VWA3A: variants seen among roughly 807,000 people sequenced by gnomAD.
VWA3A encodes von Willebrand factor A domain containing 3A.
Under a neutral mutation model 160.4 loss-of-function variants are expected in VWA3A, and 134 were observed. That is an observed-to-expected ratio of 0.84 (90% CI 0.73 to 0.96). VWA3A has a LOEUF of 0.96. Ranked by LOEUF, VWA3A falls within the 40% of genes least tolerant of loss-of-function variation. The pLI is 0.00. For synonymous variants in VWA3A, 476 were observed against 543.4 expected, an observed-to-expected ratio of 0.88 and a Z score of 1.72; for missense variants, 1,310 against 1,447.9, an observed-to-expected ratio of 0.90 and a Z score of 1.55.
intron 26 of VWA3A, among the ~76,000 whole-genome samples, chr16:22,145,898 C>A (rs1251733205): frequency 6.6e-6 from 1 of 152,046 alleles, no homozygotes; most frequent in Non-Finnish European, 1.5e-5. Context: ...CAGCTCACTG[C>A]AGCCTCTACC....
chr16:22,153,920 G>A (rs1291374988), intron 31 of VWA3A, among the ~76,000 whole-genome samples: 1 of 151,578 alleles, frequency 6.6e-6, no homozygotes, highest in Non-Finnish European at 1.5e-5. Flanking sequence ...TTAATTTTTT[G>A]TAGAAACAGG....
chr16:22,119,768 A>T (rs1275243715), intron 12 of VWA3A, among the ~76,000 whole-genome samples: 2 of 152,202 alleles, frequency 1.3e-5, no homozygotes, highest in Admixed American at 1.3e-4. Flanking sequence ...CTGTAATCCC[A>T]ACACTTTGTG....
chr16:22,140,026 C>T (rs2046114879), intron 22 of VWA3A, 128 bp from the exon 23 acceptor site: 3 of 838,964 alleles, frequency 3.6e-6, no homozygotes, highest in Non-Finnish European at 5.7e-6. Context: ...CCAAACCTGT[C>T]TGAGGAGTCC....
rs574165269 is a variant in VWA3A, at chr16:22,117,896, A to G, written c.990+720A>G. 2.6e-5 allele frequency among the ~76,000 whole-genome samples: 4 copies of G among 152,278 alleles called. No individual in the cohort carries two copies. The East Asian group carries it at 5.8e-4, about 22-fold the overall frequency. On this transcript the variant is annotated intron_variant, in intron 11 of 33. Transcript: ENST00000389398. ...ACTCTATCTTGATACCTCATCATCT[A>G]GACTCTCTCTGCAGGTGACTCAGAC...
chr16:22,146,932 A>G (rs2046263912), intron 27 of VWA3A, among the ~76,000 whole-genome samples: 1 of 152,192 alleles, frequency 6.6e-6, no homozygotes, highest in South Asian at 2.1e-4. Flanking sequence ...CAAGGGGCTC[A>G]CTGTCAAAAG....
At chr16:22,139,688 C>T (rs1221479410) in intron 22 of VWA3A, among the ~76,000 whole-genome samples, 2 of 151,932 alleles carry the variant, frequency 1.3e-5, no homozygotes, top group African/African-American at 4.8e-5. Flanking sequence ...GAGCCAGACT[C>T]CATCTCAAAA....
rs1275647403 is a variant in VWA3A, at chr16:22,103,522, G to T, written c.476G>T (p.Ser159Ile). The change falls in exon 6 of 34, where the codon AGC becomes ATC. Residue 159 changes from serine to isoleucine, a missense_variant. By Grantham distance (142) the Ser-to-Ile change is moderately radical. Coordinates refer to ENST00000389398, the MANE Select transcript of VWA3A (RefSeq NM_173615.5). Reference protein sequence around the residue: ...QERIQWLTENSKKAFGLIKGA... With the variant: ...QERIQWLTENIKKAFGLIKGA... ...AGAATTCAGTGGCTCACAGAAAACA[G>T]CAAGAAGGTAACGGGCATAGATTTC... is the stretch of plus-strand genomic sequence containing the variant. 3 of 1,551,842 alleles carry T rather than the reference G, an allele frequency of 1.9e-6. No individual in the cohort carries two copies. The highest frequency in any genetic ancestry group is 2.6e-6 in the Non-Finnish European group (3 of 1,146,994).
chr16:22,154,910 C>CGCCACTG (rs1167665495), intron 31 of VWA3A, among the ~76,000 whole-genome samples: 2 of 130,082 alleles, frequency 1.5e-5, no homozygotes, highest in Non-Finnish European at 3.2e-5. Context: ...GCCGAGATTG[C>CGCCACTG]GCCACTGCAG....
At chr16:22,098,185 A>T (rs1183048650) in intron 3 of VWA3A, among the ~76,000 whole-genome samples, 1 of 152,210 alleles carries the variant, frequency 6.6e-6, no homozygotes, top group African/African-American at 2.4e-5. Flanking sequence ...TCTACCAGGG[A>T]CACAGTGGCA....
chr16:22,107,985 T>C (rs2141861291), intron 6 of VWA3A, among the ~76,000 whole-genome samples: 1 of 152,288 alleles, frequency 6.6e-6, no homozygotes, highest in African/African-American at 2.4e-5. Context: ...AGTGTTTTAA[T>C]TTGTTAAATT....
intron 25 of VWA3A, 84 bp from the exon 26 acceptor site, chr16:22,144,163 C>T (rs1004785417): frequency 2.8e-6 from 4 of 1,450,702 alleles, no homozygotes; most frequent in African/African-American, 1.4e-5. Context: ...AGGTTTCAAA[C>T]ATGAGGTTCT....
intron 30 of VWA3A, among the ~76,000 whole-genome samples, chr16:22,151,407 G>T (rs1284565881): frequency 6.6e-6 from 1 of 152,212 alleles, no homozygotes; most frequent in African/African-American, 2.4e-5. Flanking sequence ...ACTTCCTCCA[G>T]CCTGGAAACA....
chr16:22,149,896 G>A lies in VWA3A; in HGVS notation c.3094G>A (p.Ala1032Thr). 6.2e-7 allele frequency: 1 copy of A among 1,611,918 alleles called. No individual in the cohort carries two copies. Among genetic ancestry groups the A allele is most frequent in the Non-Finnish European group, 8.5e-7 (1 of 1,178,790 alleles). ...EAMQWVTHLQAQGSTSILQAL... is the reference protein window; with the variant it reads ...EAMQWVTHLQTQGSTSILQAL... ...TATGCAATGGGTGACCCACCTGCAAGCTCAGGGCAGCACCTCCATCTTGCA... is the reference window on the plus strand; with the variant it reads ...TATGCAATGGGTGACCCACCTGCAAACTCAGGGCAGCACCTCCATCTTGCA... Residue 1032 changes from alanine (A) to threonine (T), a missense_variant, in exon 29 of 34, where the codon GCT becomes ACT. Transcript: ENST00000389398.
At chr16:22,101,817 G>A (rs1270953814) in intron 5 of VWA3A, among the ~76,000 whole-genome samples, 1 of 152,204 alleles carries the variant, frequency 6.6e-6, no homozygotes, top group Non-Finnish European at 1.5e-5. Flanking sequence ...AGTTTTAATT[G>A]TGAATCCAGT....
intron 25 of VWA3A, among the ~76,000 whole-genome samples, chr16:22,144,026 A>G (rs2046202429): frequency 6.6e-6 from 1 of 152,066 alleles, no homozygotes; most frequent in Admixed American, 6.6e-5. Flanking sequence ...GATTACAGGC[A>G]TGAGCCACCG....
At chr16:22,108,521 T>C (rs150251588) in intron 6 of VWA3A, among the ~76,000 whole-genome samples, 264 of 152,268 alleles carry the variant, frequency 1.7e-3, no homozygotes, top group African/African-American at 5.9e-3. Flanking sequence ...GTTTTTGTTT[T>C]CTCAGCAAAA....
chr16:22,092,761 T>C, intron 1 of VWA3A, 110 bp downstream of exon 1: 1 of 1,366,462 alleles, frequency 7.3e-7, no homozygotes. Context: ...GGGTGTGAAG[T>C]GTCCACTCCC....
Position 22,138,390 on chromosome 16 carries a change from C to A in VWA3A, c.2170C>A (p.His724Asn). 1 of 1,605,904 alleles carries A rather than the reference C, an allele frequency of 6.2e-7. No homozygotes were observed. Among genetic ancestry groups the A allele is most frequent in the Non-Finnish European group, 8.5e-7 (1 of 1,176,410 alleles). ...CTTCCTCATGGCCTCCCTGAAGAACCATTCAGGAAAAGTACTGGGAAGTTC... is the reference window on the plus strand; with the variant it reads ...CTTCCTCATGGCCTCCCTGAAGAACAATTCAGGAAAAGTACTGGGAAGTTC... ...CAFLMASLKNHSGKVLGSSAL... is the reference protein window; with the variant it reads ...CAFLMASLKNNSGKVLGSSAL... Residue 724 changes from histidine (H) to asparagine (N), a missense_variant, in exon 22 of 34, where the codon CAT becomes AAT. Coordinates refer to ENST00000389398, the MANE Select transcript of VWA3A (RefSeq NM_173615.5).
chr16:22,094,347 ACAT>A (rs2141818468), intron 1 of VWA3A, among the ~76,000 whole-genome samples: 1 of 150,672 alleles, frequency 6.6e-6, no homozygotes, highest in Non-Finnish European at 1.5e-5. Flanking sequence ...AAGCATTGCC[ACAT>A]TATCCTGGTG....
Sources: gnomAD v4.1 joint callset for allele counts (sites outside exome capture counted in the v4.1 genomes callset) on GRCh38, gnomAD v4.1.1 for gene constraint, MANE v1.5 for transcripts, NCBI Gene and HGNC (gene_info 2026-07-23, HGNC 2026-07-21) for gene names.